Variants in NEK10 observed in about 807,000 individuals in gnomAD.
NEK10 encodes serine/threonine-protein kinase Nek10.
NEK10 carries 122 observed loss-of-function variants against 159.8 expected under a neutral mutation model. That is an observed-to-expected ratio of 0.76 (90% CI 0.66 to 0.89). The LOEUF (loss-of-function observed/expected upper bound fraction) is 0.89. Ranked by LOEUF, NEK10 falls within the 40% of genes least tolerant of loss-of-function variation. The probability of loss-of-function intolerance (pLI) is 0.00; values close to 1 mark genes in which losing one functional copy is unlikely to be tolerated. For missense variants in NEK10, 1,342 were observed against 1,323.1 expected, an observed-to-expected ratio of 1.01 and a Z score of -0.22; for synonymous variants, 466 against 457.1, an observed-to-expected ratio of 1.02 and a Z score of -0.25.
chr3:27,199,069 T>C (rs1486789132), intron 25 of NEK10, among the ~76,000 whole-genome samples: 21 of 105,170 alleles, frequency 2.0e-4, no homozygotes, highest in Admixed American at 8.6e-4. Context: ...CAAGACTCCA[T>C]CTCAAAAAAA....
chr3:27,120,126 G>A (rs1941078588), intron 32 of NEK10, among the ~76,000 whole-genome samples: 1 of 152,038 alleles, frequency 6.6e-6, no homozygotes, highest in Non-Finnish European at 1.5e-5. Context: ...GGCCTTATGA[G>A]AGCAAAAGAA....
At chr3:27,301,091 A>G (rs1272128547) in intron 13 of NEK10, among the ~76,000 whole-genome samples, 1 of 152,158 alleles carries the variant, frequency 6.6e-6, no homozygotes, top group Non-Finnish European at 1.5e-5. Flanking sequence ...AAATTGGCCA[A>G]TAGCACTCAG....
In NEK10 at chr3:27,219,038, C is replaced by T. The variant is rs544236802; in HGVS notation, c.2091-16481G>A. On this transcript the variant is annotated intron_variant, in intron 23 of 35. Transcript: ENST00000691995. Reference sequence around the variant, plus strand: ...CCACACTCTCCACCTTTTCTTAGTGCGTATGCCTTAGAAAATTTATAATTG... The same window carrying T: ...CCACACTCTCCACCTTTTCTTAGTGTGTATGCCTTAGAAAATTTATAATTG... 5.9e-5 allele frequency among the ~76,000 whole-genome samples: 9 copies of T among 152,332 alleles called. No homozygotes were observed. In the South Asian group the frequency reaches 6.2e-4, roughly 11 times the overall value.
At position 27,119,813 on chromosome 3, in the gene NEK10, T is replaced by C. The variant is rs760728882; in HGVS notation, c.3137A>G (p.His1046Arg). Residue 1046 changes from histidine (H) to arginine (R), a missense_variant, in exon 33 of 36, where the codon CAT (histidine) becomes CGT (arginine). Coordinates refer to ENST00000691995, the MANE Select transcript of NEK10 (RefSeq NM_001394966.1). ...IEPNFFTADY[H>R]LLHRSSGGNS... ...TCCACCGGATGAACGATGTAATAAA[T>C]GGTAATCTGCTGTGAAAAAGTTGGG... 2.2e-5 allele frequency: 35 copies of C among 1,613,876 alleles called. No homozygotes were observed. Among genetic ancestry groups the C allele is most frequent in the Non-Finnish European group, 2.5e-5 (30 of 1,179,902 alleles).
At chr3:27,357,161 T>C (rs1295074396) in intron 1 of NEK10, among the ~76,000 whole-genome samples, 2 of 152,178 alleles carry the variant, frequency 1.3e-5, no homozygotes, top group Non-Finnish European at 2.9e-5. Flanking sequence ...ATGGGTTTGC[T>C]CTGGGAGGTT....
Position 27,192,047 on chromosome 3 carries a change from C to T in NEK10, c.2487G>A (p.Glu829=). Residue 829 remains glutamate (E), a synonymous_variant, in exon 26 of 36, where the codon GAG becomes GAA. Transcript: ENST00000691995. ...CACTTACGTGAGATAGAACAGCCAG[C>T]TCATGGTGACATGTGACGGTGTTCC... is the stretch of plus-strand genomic sequence containing the variant. The part of the protein sequence containing the change: ...ANRNTVTCHH[E]LAVLSHETFE... 1 of 1,614,154 alleles carries T rather than the reference C, an allele frequency of 6.2e-7. No homozygotes were observed.
In NEK10 at chr3:27,234,708, A is replaced by C. The variant is rs561295078; in HGVS notation, c.2090+21588T>G. Among the ~76,000 whole-genome samples the C allele has an allele frequency of 2.0e-5, 3 of 152,258 alleles. No individual in the cohort carries two copies. The East Asian group carries it at 5.8e-4, about 29-fold the overall frequency. Reference sequence around the variant, plus strand: ...ACTGCCCAAAGCAATTCATACATTCAATGCTATTCCCATGAAACTATAATT... The same window carrying C: ...ACTGCCCAAAGCAATTCATACATTCCATGCTATTCCCATGAAACTATAATT... On this transcript the variant is annotated intron_variant, in intron 23 of 35. Transcript: ENST00000691995.
chr3:27,236,836 A>T (rs933954001), intron 23 of NEK10, among the ~76,000 whole-genome samples: 2 of 152,186 alleles, frequency 1.3e-5, no homozygotes, highest in Non-Finnish European at 2.9e-5. Context: ...CTTGATAAAC[A>T]TCTTAAACAA....
chr3:27,280,703 T>C (rs1360344318), intron 22 of NEK10, among the ~76,000 whole-genome samples: 1 of 152,070 alleles, frequency 6.6e-6, no homozygotes, highest in Non-Finnish European at 1.5e-5. Context: ...GATGACAGCC[T>C]CAACTGGAAC....
chr3:27,242,124 A>G lies in NEK10; in HGVS notation c.2090+14172T>C, dbSNP rs558271277. Reference sequence around the variant, plus strand: ...ATTGTTCCACCATGTAAGGCCAAGGAGGCAGGATCTCTAAAGCAATGGGAC... The same window carrying G: ...ATTGTTCCACCATGTAAGGCCAAGGGGGCAGGATCTCTAAAGCAATGGGAC... On this transcript the variant is annotated intron_variant, in intron 23 of 35. Coordinates refer to ENST00000691995, the MANE Select transcript of NEK10 (RefSeq NM_001394966.1). Among the ~76,000 whole-genome samples the G allele has an allele frequency of 2.6e-5, 4 of 152,336 alleles. No individual in the cohort carries two copies. In the East Asian group the frequency reaches 7.7e-4, roughly 29 times the overall value.
intron 23 of NEK10, among the ~76,000 whole-genome samples, chr3:27,209,281 A>T (rs1950794832): frequency 6.6e-6 from 1 of 152,228 alleles, no homozygotes; most frequent in South Asian, 2.1e-4. Context: ...TTGCAGTATT[A>T]TTCATGTACC....
At chr3:27,275,746 T>A (rs2041722360) in intron 22 of NEK10, among the ~76,000 whole-genome samples, 2 of 152,182 alleles carry the variant, frequency 1.3e-5, no homozygotes, top group Admixed American at 6.5e-5. Flanking sequence ...CTCTTTTTTT[T>A]ATATAATGAC....
chr3:27,127,202 A>G (rs981766149), intron 32 of NEK10, among the ~76,000 whole-genome samples: 1 of 152,102 alleles, frequency 6.6e-6, no homozygotes, highest in African/African-American at 2.4e-5. Context: ...TGGAAAGCAA[A>G]TCCTGTACAA....
intron 23 of NEK10, chr3:27,206,572 C>G (rs989430357): frequency 2.0e-6 from 2 of 983,726 alleles, no homozygotes; most frequent in Non-Finnish European, 1.2e-6. Context: ...TCATACTTTA[C>G]TCTCTCCTTG....
intron 23 of NEK10, among the ~76,000 whole-genome samples, chr3:27,251,491 C>T (rs3112820): frequency 6.6e-6 from 1 of 152,138 alleles, no homozygotes; most frequent in Non-Finnish European, 1.5e-5. Flanking sequence ...TTCCTCACTT[C>T]CCCTCTCCTG....
At chr3:27,357,785 T>C (rs1329099902) in intron 1 of NEK10, among the ~76,000 whole-genome samples, 1 of 152,130 alleles carries the variant, frequency 6.6e-6, no homozygotes, top group Non-Finnish European at 1.5e-5. Context: ...TAGATGAATC[T>C]CTAATTGAGA....
intron 5 of NEK10, among the ~76,000 whole-genome samples, chr3:27,328,010 T>C (rs972567501): frequency 2.0e-5 from 3 of 152,156 alleles, no homozygotes; most frequent in Admixed American, 6.5e-5. Context: ...CTGACTTATT[T>C]TGCTATTCTT....
intron 23 of NEK10, among the ~76,000 whole-genome samples, chr3:27,204,315 T>TTTTTTTTTTTTTTTTTTG (rs1559606319): frequency 1.8e-5 from 2 of 113,184 alleles, no homozygotes; most frequent in South Asian, 3.3e-4. Flanking sequence ...TTTTTTTTTT[T>TTTTTTTTTTTTTTTTTTG]TTTTTTATTA....
intron 23 of NEK10, among the ~76,000 whole-genome samples, chr3:27,248,272 C>T (rs991434273): frequency 3.6e-4 from 55 of 151,876 alleles, no homozygotes; most frequent in Admixed American, 1.3e-4. Context: ...TTTAGTCTGT[C>T]TAAAGGTTTG....
Sources: allele counts gnomAD v4.1 joint callset (sites outside exome capture counted in the v4.1 genomes callset), GRCh38; gene constraint gnomAD v4.1.1; transcripts MANE v1.5; gene names NCBI Gene and HGNC (gene_info 2026-07-23, HGNC 2026-07-21).